The following RBMS3 variants were observed in gnomAD, a reference collection of about 807,000 sequenced individuals.
RBMS3 encodes the protein RNA binding motif single stranded interacting protein 3, also known as RNA-binding motif, single-stranded-interacting protein 3.
Under a neutral mutation model 66.8 loss-of-function variants are expected in RBMS3, and 27 were observed. The ratio of observed to expected loss-of-function variants is 0.40; its 90% CI spans 0.30 to 0.56. The LOEUF is 0.56. Ranked by LOEUF, RBMS3 falls within the 20% of genes least tolerant of loss-of-function variation. RBMS3 has a pLI of 0.40. For synonymous variants in RBMS3, 188 were observed against 183.0 expected (o/e 1.03, Z -0.22); for missense variants, 513 against 549.5 (o/e 0.93, Z 0.66).
At chr3:29,877,057 T>C (rs977992100) in intron 7 of RBMS3, among the ~76,000 whole-genome samples, 3 of 152,178 alleles carry the variant, frequency 2.0e-5, no homozygotes, top group African/African-American at 4.8e-5. Flanking sequence ...CATATACTCA[T>C]AAACACCGAA....
At chr3:29,735,556 G>A (rs1379888823) in intron 4 of RBMS3, among the ~76,000 whole-genome samples, 2 of 152,126 alleles carry the variant, frequency 1.3e-5, no homozygotes, top group African/African-American at 4.8e-5. Flanking sequence ...AATATACACT[G>A]CAAAATATTC....
At chr3:29,491,333 T>A (rs4680725) in intron 3 of RBMS3, among the ~76,000 whole-genome samples, 14,475 of 152,192 alleles carry the variant, frequency 0.095, 851 homozygotes, top group East Asian at 0.16. Flanking sequence ...AGGGCCTGTG[T>A]GCTATAGAAA....
intron 6 of RBMS3, among the ~76,000 whole-genome samples, chr3:29,825,503 C>G (rs149727285): frequency 4.4e-4 from 67 of 152,214 alleles, no homozygotes; most frequent in African/African-American, 1.5e-3. Context: ...TTTTCCCATG[C>G]TATTCTTGTG....
At chr3:29,563,774 C>T (rs1234631463) in intron 3 of RBMS3, among the ~76,000 whole-genome samples, 1 of 151,726 alleles carries the variant, frequency 6.6e-6, no homozygotes. Flanking sequence ...GCTATAATCC[C>T]AGTACTTTGG....
intron 10 of RBMS3, among the ~76,000 whole-genome samples, chr3:29,920,719 T>A (rs1174207893): frequency 2.0e-5 from 3 of 152,092 alleles, no homozygotes; most frequent in African/African-American, 7.2e-5. Context: ...CTGATGCCTG[T>A]AATCCCAGCA....
At chr3:29,530,196 C>T (rs2045297495) in intron 3 of RBMS3, among the ~76,000 whole-genome samples, 2 of 152,116 alleles carry the variant, frequency 1.3e-5, no homozygotes, top group African/African-American at 4.8e-5. Flanking sequence ...GGCTGTTTGT[C>T]TGAGAAATAA....
intron 6 of RBMS3, among the ~76,000 whole-genome samples, chr3:29,815,466 A>G (rs530609134): frequency 4.6e-5 from 7 of 152,308 alleles, no homozygotes; most frequent in Admixed American, 3.3e-4. Flanking sequence ...ACATCTGGTT[A>G]GAAGTTGAAG....
intron 6 of RBMS3, among the ~76,000 whole-genome samples, chr3:29,807,436 ATGCATAACCTAT>A: frequency 6.6e-6 from 1 of 152,086 alleles, no homozygotes. Flanking sequence ...AATTTAAAAT[ATGCATAACCTAT>A]TGACCCAACA....
intron 2 of RBMS3, among the ~76,000 whole-genome samples, chr3:29,446,146 C>T (rs6784776): frequency 3.3e-5 from 5 of 152,026 alleles, no homozygotes; most frequent in South Asian, 2.1e-4. Flanking sequence ...AAGAGTAGCA[C>T]AGAATTTTGA....
intron 4 of RBMS3, among the ~76,000 whole-genome samples, chr3:29,700,685 T>TTTC (rs1553644564): frequency 2.7e-4 from 41 of 151,432 alleles, no homozygotes; most frequent in African/African-American, 1.0e-3. Flanking sequence ...TTTTTTTTTT[T>TTTC]CAGGAAAGTG....
At chr3:29,990,701 A>G (rs970989663) in intron 13 of RBMS3, among the ~76,000 whole-genome samples, 1 of 152,218 alleles carries the variant, frequency 6.6e-6, no homozygotes. Context: ...AATGGTATAG[A>G]CATGATACAG....
chr3:29,354,538 G>A (rs1480883768), intron 1 of RBMS3, among the ~76,000 whole-genome samples: 1 of 151,912 alleles, frequency 6.6e-6, no homozygotes, highest in Admixed American at 6.6e-5. Flanking sequence ...AGATATTCTT[G>A]ACTATTTGTA....
chr3:29,927,974 A>G (rs1461397320), intron 10 of RBMS3, among the ~76,000 whole-genome samples: 1 of 151,994 alleles, frequency 6.6e-6, no homozygotes, highest in East Asian at 1.9e-4. Context: ...GAACTGTCCT[A>G]TCTACTCTTA....
chr3:29,728,369 A>G (rs920370979), intron 4 of RBMS3, among the ~76,000 whole-genome samples: 1 of 152,204 alleles, frequency 6.6e-6, no homozygotes, highest in African/African-American at 2.4e-5. Context: ...AACTTAAAAT[A>G]ACATCTAAAG....
At chr3:29,663,578 G>C (rs1375200175) in intron 4 of RBMS3, among the ~76,000 whole-genome samples, 1 of 152,142 alleles carries the variant, frequency 6.6e-6, no homozygotes, top group African/African-American at 2.4e-5. Flanking sequence ...CAATAGCATT[G>C]AGGATTAAAT....
intron 4 of RBMS3, among the ~76,000 whole-genome samples, chr3:29,659,735 G>A (rs2050461734): frequency 6.6e-6 from 1 of 152,106 alleles, no homozygotes; most frequent in African/African-American, 2.4e-5. Flanking sequence ...TTTGGTGGGG[G>A]GGTGGTTACA....
chr3:29,935,998 C>A, intron 10 of RBMS3, 88 bp from the exon 11 acceptor site: 3 of 1,075,632 alleles, frequency 2.8e-6, no homozygotes, highest in Non-Finnish European at 4.0e-6. Context: ...ATTTGATGTT[C>A]ACACATTTAC....
At chr3:29,302,978 G>A (rs1030293709) in intron 1 of RBMS3, among the ~76,000 whole-genome samples, 17 of 152,064 alleles carry the variant, frequency 1.1e-4, no homozygotes, top group African/African-American at 3.9e-4. Context: ...AGTCTCATAT[G>A]AATTAAGGTG....
chr3:29,917,800 C>G (rs922564342), intron 10 of RBMS3, among the ~76,000 whole-genome samples: 1 of 152,002 alleles, frequency 6.6e-6, no homozygotes, highest in Admixed American at 6.6e-5. Context: ...CAATATTTTT[C>G]CTATTACTTT....
Sources: allele counts gnomAD v4.1 joint callset (sites outside exome capture counted in the v4.1 genomes callset), GRCh38; gene constraint gnomAD v4.1.1; transcripts MANE v1.5; gene names NCBI Gene and HGNC (gene_info 2026-07-23, HGNC 2026-07-21).